CENPW: variants seen among roughly 807,000 people sequenced by gnomAD.
CENPW encodes the protein cancer-up-regulated gene 2 protein.
CENPW carries 3 observed loss-of-function variants against 11.1 expected under a neutral mutation model. That is an observed-to-expected ratio of 0.27 (90% confidence interval 0.12 to 0.70). The LOEUF is 0.70. CENPW is among the 30% of genes least tolerant of loss of function. The probability of loss-of-function intolerance (pLI) is 0.77; values close to 1 mark genes in which losing one functional copy is unlikely to be tolerated. For synonymous variants in CENPW, 38 were observed against 42.0 expected, an observed-to-expected ratio of 0.91 and a Z score of 0.37; for missense variants, 100 against 105.6, an observed-to-expected ratio of 0.95 and a Z score of 0.23.
the CENPW span, among the ~76,000 whole-genome samples, chr6:126,434,465 T>C: frequency 1.3e-5 from 2 of 152,074 alleles, no homozygotes; most frequent in East Asian, 3.8e-4. Flanking sequence ...TCTACTCCAT[T>C]ACATTTCTTC....
At chr6:126,425,812 A>G in the CENPW span, among the ~76,000 whole-genome samples, 1 of 151,660 alleles carries the variant, frequency 6.6e-6, no homozygotes, top group Non-Finnish European at 1.5e-5. Flanking sequence ...AAAAAAAAAA[A>G]CCCTCAAGTT....
the CENPW span, among the ~76,000 whole-genome samples, chr6:126,432,472 GT>G: frequency 2.6e-5 from 4 of 151,872 alleles, no homozygotes; most frequent in African/African-American, 7.3e-5. Flanking sequence ...ATATCTTACA[GT>G]TTTTTTTAAA....
chr6:126,391,296 C>T, the CENPW span, among the ~76,000 whole-genome samples: 21 of 151,914 alleles, frequency 1.4e-4, no homozygotes, highest in South Asian at 2.1e-3. Context: ...CAGATCTTTT[C>T]CTCATTTTCT....
the CENPW span, among the ~76,000 whole-genome samples, chr6:126,464,866 C>G: frequency 2.6e-5 from 4 of 152,034 alleles, no homozygotes; most frequent in African/African-American, 9.7e-5. Context: ...TGTAGAGAAC[C>G]CTGACTAACA....
the CENPW span, among the ~76,000 whole-genome samples, chr6:126,468,178 G>A: frequency 1.3e-5 from 2 of 152,170 alleles, no homozygotes; most frequent in African/African-American, 4.8e-5. Context: ...CCAGCACTTT[G>A]GGAGGCTGAC....
chr6:126,363,609 A>G, the CENPW span, among the ~76,000 whole-genome samples: 1 of 152,020 alleles, frequency 6.6e-6, no homozygotes, highest in Non-Finnish European at 1.5e-5. Flanking sequence ...TCATCATGGT[A>G]TTTTCCAATA....
At chr6:126,393,604 T>C in the CENPW span, among the ~76,000 whole-genome samples, 16 of 151,748 alleles carry the variant, frequency 1.1e-4, no homozygotes, top group South Asian at 1.0e-3. Context: ...ATTTATCTTA[T>C]TAATTTGTAG....
At chr6:126,428,174 A>G in the CENPW span, among the ~76,000 whole-genome samples, 2 of 152,230 alleles carry the variant, frequency 1.3e-5, no homozygotes, top group Admixed American at 6.5e-5. Context: ...ATTTTTACAC[A>G]TATCCACATA....
At chr6:126,346,723 C>A (rs1212180949) in intron 2 of CENPW, among the ~76,000 whole-genome samples, 1 of 152,138 alleles carries the variant, frequency 6.6e-6, no homozygotes, top group Non-Finnish European at 1.5e-5. Flanking sequence ...AGAACTCACT[C>A]ACTATCAGGA....
In CENPW at chr6:126,342,344, T is replaced by C. The variant is rs565733220; in HGVS notation, c.126+1945T>C. ...ACAAAGTTTTCTATAGTTAAAGCAG[T>C]TTGTTTTGATCTGCTCTTTTTTCTG... On this transcript the variant is annotated intron_variant, in intron 1 of 2. Transcript: ENST00000368328. 4.6e-5 allele frequency among the ~76,000 whole-genome samples: 7 copies of C among 152,280 alleles called. No homozygotes were observed. In the South Asian group the frequency reaches 1.5e-3, roughly 32 times the overall value.
chr6:126,383,995 T>C, the CENPW span, among the ~76,000 whole-genome samples: 2 of 152,074 alleles, frequency 1.3e-5, no homozygotes, highest in Non-Finnish European at 2.9e-5. Context: ...GATCACACAA[T>C]CAGACATAAA....
the CENPW span, among the ~76,000 whole-genome samples, chr6:126,423,108 G>C: frequency 6.6e-6 from 1 of 151,530 alleles, no homozygotes; most frequent in Non-Finnish European, 1.5e-5. Context: ...TTAGATGTAT[G>C]GTTGCCCATC....
At chr6:126,398,692 A>T in the CENPW span, among the ~76,000 whole-genome samples, 2 of 152,036 alleles carry the variant, frequency 1.3e-5, no homozygotes, top group South Asian at 2.1e-4. Flanking sequence ...TTCAGGGGAT[A>T]CATGTGGAGA....
the CENPW span, among the ~76,000 whole-genome samples, chr6:126,428,318 A>T: frequency 6.6e-6 from 1 of 152,234 alleles, no homozygotes. Flanking sequence ...TCATTAAAAA[A>T]TACATTGACT....
chr6:126,394,951 T>C, the CENPW span, among the ~76,000 whole-genome samples: 1 of 152,158 alleles, frequency 6.6e-6, no homozygotes, highest in East Asian at 1.9e-4. Context: ...CATTGTATGT[T>C]ATTTGCTTCT....
the CENPW span, among the ~76,000 whole-genome samples, chr6:126,463,432 A>G: frequency 6.6e-6 from 1 of 152,042 alleles, no homozygotes; most frequent in Admixed American, 6.6e-5. Context: ...ATGTAATTAA[A>G]CCCAAATTAA....
At chr6:126,434,034 C>CA in the CENPW span, among the ~76,000 whole-genome samples, 1 of 152,092 alleles carries the variant, frequency 6.6e-6, no homozygotes, top group African/African-American at 2.4e-5. Flanking sequence ...CATCAGGAAA[C>CA]ATTTTAATAG....
chr6:126,402,057 C>A, the CENPW span, among the ~76,000 whole-genome samples: 1 of 152,024 alleles, frequency 6.6e-6, no homozygotes, highest in African/African-American at 2.4e-5. Flanking sequence ...ACCTGGACTC[C>A]ATGATGGGTT....
chr6:126,440,865 G>T, the CENPW span, among the ~76,000 whole-genome samples: 5 of 151,484 alleles, frequency 3.3e-5, no homozygotes, highest in African/African-American at 1.2e-4. Context: ...CATTTGAGGA[G>T]GGTCAGAAGT....
Sources: gnomAD v4.1 joint callset for allele counts (sites outside exome capture counted in the v4.1 genomes callset) on GRCh38, gnomAD v4.1.1 for gene constraint, MANE v1.5 for transcripts, NCBI Gene and HGNC (gene_info 2026-07-23, HGNC 2026-07-21) for gene names.